AGBL4: variants seen among roughly 807,000 people sequenced by gnomAD.
AGBL4 encodes AGBL carboxypeptidase 4, also known as cytosolic carboxypeptidase 6.
AGBL4 carries 58 observed loss-of-function variants against 66.4 expected under a neutral mutation model. The observed-to-expected ratio is 0.87, with a 90% CI of 0.71 to 1.09. AGBL4 has a LOEUF of 1.09. Among genes scored for constraint, AGBL4 ranks in the 50% least tolerant of loss-of-function variants. AGBL4 has a pLI of 0.00. For synonymous variants in AGBL4, 234 were observed against 222.9 expected (o/e 1.05, Z -0.44); for missense variants, 579 against 631.0 (o/e 0.92, Z 0.88).
intron 6 of AGBL4, among the ~76,000 whole-genome samples, chr1:48,702,704 T>C (rs1646821154): frequency 6.6e-6 from 1 of 152,172 alleles, no homozygotes; most frequent in South Asian, 2.1e-4. Context: ...AAGAAAAGCC[T>C]GGTAAACAGG....
At chr1:48,902,815 T>A (rs1243411844) in intron 5 of AGBL4, among the ~76,000 whole-genome samples, 1 of 152,144 alleles carries the variant, frequency 6.6e-6, no homozygotes, top group East Asian at 1.9e-4. Flanking sequence ...AAATGCCCTG[T>A]CTGGCCATTT....
Position 49,512,022 on chromosome 1 carries a change from A to G in AGBL4, c.282+185291T>C, listed in dbSNP as rs558145380. Reference sequence around the variant, plus strand: ...AAATGAGATATAGGATATGTAAAATATCTTGGTTTGCAGGGTGCTATGTAC... The same window carrying G: ...AAATGAGATATAGGATATGTAAAATGTCTTGGTTTGCAGGGTGCTATGTAC... On this transcript the variant is annotated intron_variant, in intron 3 of 13. Transcript: ENST00000371839. Among the ~76,000 whole-genome samples the G allele has an allele frequency of 1.8e-3, 274 of 152,124 alleles. 1 individual carries two copies. The highest frequency in any genetic ancestry group is 2.9e-3 in the Non-Finnish European group (194 of 67,952).
rs369776278 is a variant in AGBL4, at chr1:49,858,165, G to C, written c.35-6647C>G. Among the ~76,000 whole-genome samples, 239 of 152,106 alleles carry C rather than the reference G, an allele frequency of 1.6e-3. 1 individual carries two copies. Among genetic ancestry groups the C allele is most frequent in the African/African-American group, 4.9e-3 (204 of 41,490 alleles). ...GGAAAGGCACACCAAACCACAATGA[G>C]ATACCATCTCACCCCAGCAGAATGA... On this transcript the variant is annotated intron_variant, in intron 1 of 13. Coordinates refer to ENST00000371839, the MANE Select transcript of AGBL4 (RefSeq NM_032785.4).
intron 1 of AGBL4, among the ~76,000 whole-genome samples, chr1:49,895,249 A>C (rs555686246): frequency 6.6e-6 from 1 of 152,162 alleles, no homozygotes; most frequent in African/African-American, 2.4e-5. Flanking sequence ...TTCTATAAGA[A>C]ATGCTAAAGG....
intron 4 of AGBL4, among the ~76,000 whole-genome samples, chr1:49,112,283 T>C (rs1645427626): frequency 6.6e-6 from 1 of 152,200 alleles, no homozygotes; most frequent in Non-Finnish European, 1.5e-5. Flanking sequence ...TTAAATAAGA[T>C]ACCGTATTTG....
chr1:49,914,518 C>G (rs1213974646), intron 1 of AGBL4, among the ~76,000 whole-genome samples: 1 of 152,170 alleles, frequency 6.6e-6, no homozygotes, highest in Non-Finnish European at 1.5e-5. Flanking sequence ...TTGGAAAATT[C>G]AGAATTTCCA....
At chr1:49,265,998 A>G (rs1408071143) in intron 3 of AGBL4, 1 of 152,152 alleles carries the variant, frequency 6.6e-6, no homozygotes, top group Non-Finnish European at 1.5e-5. Context: ...CATATATCAA[A>G]AGCATGGAGT....
chr1:49,144,804 G>A (rs1646186251), intron 4 of AGBL4, among the ~76,000 whole-genome samples: 1 of 152,192 alleles, frequency 6.6e-6, no homozygotes, highest in African/African-American at 2.4e-5. Context: ...ACGTAGTTAG[G>A]TTAGGCTCTG....
intron 5 of AGBL4, among the ~76,000 whole-genome samples, chr1:49,035,325 CAGA>C (rs1400160052): frequency 6.6e-6 from 1 of 151,998 alleles, no homozygotes; most frequent in Non-Finnish European, 1.5e-5. Flanking sequence ...GGGCATAAGG[CAGA>C]AGGAGAGACC....
At chr1:49,429,787 C>G (rs1165109711) in intron 3 of AGBL4, among the ~76,000 whole-genome samples, 7 of 151,960 alleles carry the variant, frequency 4.6e-5, no homozygotes, top group African/African-American at 1.7e-4. Context: ...TGCTCTGCTA[C>G]TTCTCTCTCT....
At chr1:48,708,552 A>T (rs1372362108) in intron 6 of AGBL4, among the ~76,000 whole-genome samples, 1 of 152,134 alleles carries the variant, frequency 6.6e-6, no homozygotes, top group Non-Finnish European at 1.5e-5. Context: ...CCTAGAGAAG[A>T]TCCCTGCTCT....
At chr1:49,786,518 T>C (rs986507565) in intron 2 of AGBL4, among the ~76,000 whole-genome samples, 1 of 152,152 alleles carries the variant, frequency 6.6e-6, no homozygotes, top group African/African-American at 2.4e-5. Flanking sequence ...ATTTAGATGA[T>C]TTTTATTCAA....
intron 5 of AGBL4, among the ~76,000 whole-genome samples, chr1:48,977,531 T>A (rs1307328942): frequency 6.6e-6 from 1 of 152,108 alleles, no homozygotes; most frequent in Non-Finnish European, 1.5e-5. Context: ...GCTCCTCTCA[T>A]ATTACACCTG....
chr1:49,618,736 A>G (rs1397114607), intron 3 of AGBL4, among the ~76,000 whole-genome samples: 1 of 152,210 alleles, frequency 6.6e-6, no homozygotes, highest in Non-Finnish European at 1.5e-5. Context: ...ATACTGGCAA[A>G]TCAAATCCAG....
At chr1:49,396,353 C>T (rs912181230) in intron 3 of AGBL4, among the ~76,000 whole-genome samples, 4 of 150,976 alleles carry the variant, frequency 2.6e-5, no homozygotes, top group South Asian at 2.1e-4. Flanking sequence ...TGTGTGTGTG[C>T]GTGTGTGTAT....
rs763576416 is a variant in AGBL4, at chr1:48,736,731, G to A, written c.635-73490C>T. ...CATTTTCCTTTCAGATGGAAACACC[G>A]GTTCAGACAGGTGAGGTGACTTGCT... is the stretch of plus-strand genomic sequence containing the variant. On this transcript the variant is annotated intron_variant, in intron 6 of 13. Coordinates refer to ENST00000371839, the MANE Select transcript of AGBL4 (RefSeq NM_032785.4). The surrounding 1 kb of genome is among the most constrained non-coding windows in gnomAD (Gnocchi z 4.0). Among the ~76,000 whole-genome samples the A allele has an allele frequency of 1.9e-4, 29 of 152,108 alleles. No homozygotes were observed. The highest frequency in any genetic ancestry group is 3.2e-4 in the Non-Finnish European group (22 of 68,018).
At chr1:49,186,838 A>G (rs995177164) in intron 4 of AGBL4, among the ~76,000 whole-genome samples, 1 of 152,208 alleles carries the variant, frequency 6.6e-6, no homozygotes, top group Non-Finnish European at 1.5e-5. Flanking sequence ...GCATAACTGG[A>G]TGGTTGAAAC....
At chr1:49,635,782 G>A (rs941898487) in intron 3 of AGBL4, among the ~76,000 whole-genome samples, 1 of 152,156 alleles carries the variant, frequency 6.6e-6, no homozygotes, top group Non-Finnish European at 1.5e-5. Flanking sequence ...TACTGCTAGA[G>A]GAAGTATAAA....
At chr1:49,546,994 AG>A (rs1652540862) in intron 3 of AGBL4, among the ~76,000 whole-genome samples, 1 of 151,986 alleles carries the variant, frequency 6.6e-6, no homozygotes, top group Non-Finnish European at 1.5e-5. Context: ...GCTGTGCAAA[AG>A]CTCTTTAGTT....
Sources: allele counts gnomAD v4.1 joint callset (sites outside exome capture counted in the v4.1 genomes callset), GRCh38; gene constraint gnomAD v4.1.1; non-coding constraint Gnocchi (gnomAD v3.1); transcripts MANE v1.5; gene names NCBI Gene and HGNC (gene_info 2026-07-23, HGNC 2026-07-21).